SYNDIG1L: variants seen among roughly 807,000 people sequenced by gnomAD.
SYNDIG1L encodes the protein synapse differentiation inducing 1 like, also known as synapse differentiation-inducing gene protein 1-like.
SYNDIG1L carries 13 observed loss-of-function variants against 20.1 expected under a neutral mutation model. The observed-to-expected ratio is 0.65, with a 90% CI of 0.42 to 1.03. SYNDIG1L has a LOEUF of 1.03. SYNDIG1L is among the 50% of genes least tolerant of loss of function. The pLI is 0.00. For synonymous variants in SYNDIG1L, 128 were observed against 129.3 expected (o/e 0.99, Z 0.07); for missense variants, 294 against 305.1 (o/e 0.96, Z 0.27).
At chr14:74,420,264 C>A (rs1459812682) in intron 1 of SYNDIG1L, among the ~76,000 whole-genome samples, 1 of 151,628 alleles carries the variant, frequency 6.6e-6, no homozygotes, top group Non-Finnish European at 1.5e-5. Context: ...GGTGTGGTGG[C>A]GTGCACCTGT....
At chr14:74,444,040 T>C in the SYNDIG1L span, among the ~76,000 whole-genome samples, 14 of 152,362 alleles carry the variant, frequency 9.2e-5, no homozygotes, top group East Asian at 2.1e-3. Flanking sequence ...ATGAAGCAGA[T>C]AAAATGATAT....
In SYNDIG1L at chr14:74,424,434, G is replaced by T. The variant is rs1017859622; in HGVS notation, c.-58+1478C>A. Among the ~76,000 whole-genome samples the T allele has an allele frequency of 2.0e-5, 3 of 151,976 alleles. No individual in the cohort carries two copies. The East Asian group carries it at 5.8e-4, about 29-fold the overall frequency. On this transcript the variant is annotated intron_variant, in intron 1 of 3. Coordinates refer to ENST00000331628, the MANE Select transcript of SYNDIG1L (RefSeq NM_001105579.2). ...CTATCTTCCAGGTGCTGTTGGGGAG[G>T]GGGTCATGAAGGGGGACAAAGAGAT...
intron 1 of SYNDIG1L, among the ~76,000 whole-genome samples, chr14:74,416,593 C>A (rs1035540103): frequency 1.3e-5 from 2 of 152,178 alleles, no homozygotes; most frequent in African/African-American, 4.8e-5. Context: ...ATGATTGCAC[C>A]ACTGCACTGC....
At chr14:74,476,241 C>T in the SYNDIG1L span, 17 of 595,670 alleles carry the variant, frequency 2.9e-5, no homozygotes, top group African/African-American at 1.1e-4. Flanking sequence ...GAACAGTCTG[C>T]TGCTGCTGGC....
At chr14:74,459,942 G>C in the SYNDIG1L span, among the ~76,000 whole-genome samples, 1 of 152,192 alleles carries the variant, frequency 6.6e-6, no homozygotes. Context: ...CGAGGCTTCT[G>C]CTCTCCTCCC....
Position 74,409,780 on chromosome 14 carries a change from C to G in SYNDIG1L, c.-36G>C. 1 of 1,411,804 alleles carries G rather than the reference C, an allele frequency of 7.1e-7. No individual in the cohort carries two copies. Among genetic ancestry groups the G allele is most frequent in the Non-Finnish European group, 9.3e-7 (1 of 1,078,714 alleles). The allele number at this position is 1,411,804 out of a possible 1,614,324, so 87.5% of individuals were successfully genotyped here. A position where few individuals can be genotyped will look rare whatever the true frequency, so the allele number is the denominator to read the frequency against. Reference sequence around the variant, plus strand: ...CAGCTGCTGGGGAGGGGGGCCTGGGCCAGCTGAGCAGTCCTCAGAGCCTGT... The same window carrying G: ...CAGCTGCTGGGGAGGGGGGCCTGGGGCAGCTGAGCAGTCCTCAGAGCCTGT... On this transcript the variant is annotated 5_prime_UTR_variant, in exon 2 of 4. Transcript: ENST00000331628.
chr14:74,435,082 C>CAAAAAAAAAAAAAA, the SYNDIG1L span, among the ~76,000 whole-genome samples: 3 of 54,974 alleles, frequency 5.5e-5, no homozygotes, highest in African/African-American at 2.1e-4. Flanking sequence ...GACTCCGTCT[C>CAAAAAAAAAAAAAA]AAAAAAAAAA....
chr14:74,478,527 A>G, the SYNDIG1L span, among the ~76,000 whole-genome samples: 1 of 152,312 alleles, frequency 6.6e-6, no homozygotes, highest in South Asian at 2.1e-4. Flanking sequence ...TTTGCATGGT[A>G]TTGTGAGTCC....
Position 74,407,321 on chromosome 14 carries a change from A to G in SYNDIG1L, c.*214T>C. 1 of 662,234 alleles carries G rather than the reference A, an allele frequency of 1.5e-6. No individual in the cohort carries two copies. Among genetic ancestry groups the G allele is most frequent in the South Asian group, 1.9e-5 (1 of 51,880 alleles). 41.0% of individuals were successfully genotyped at this position (662,234 alleles called of 1,614,324 possible). On this transcript the variant is annotated 3_prime_UTR_variant, in exon 4 of 4. Coordinates refer to ENST00000331628, the MANE Select transcript of SYNDIG1L (RefSeq NM_001105579.2). The stretch of plus-strand genomic sequence containing the variant: ...TTCCCGTCTGTAGCCTGGGTTAGAG[A>G]GTGGCGCCCCGGGCCCTGCTCTGGG...
the SYNDIG1L span, among the ~76,000 whole-genome samples, chr14:74,477,684 A>G: frequency 1.3e-5 from 2 of 152,200 alleles, no homozygotes; most frequent in Non-Finnish European, 2.9e-5. Flanking sequence ...AACTGGAGAT[A>G]TGAGGTGTTG....
chr14:74,455,493 T>C, the SYNDIG1L span, among the ~76,000 whole-genome samples: 1 of 151,762 alleles, frequency 6.6e-6, no homozygotes, highest in East Asian at 1.9e-4. Context: ...CCTCCCAAGT[T>C]CAAGCGATTC....
the SYNDIG1L span, among the ~76,000 whole-genome samples, chr14:74,440,738 T>C: frequency 7.9e-5 from 12 of 152,212 alleles, no homozygotes; most frequent in East Asian, 1.7e-3. Context: ...ATACCTCATG[T>C]TTGTTTTTAT....
At chr14:74,411,955 G>A (rs2086134280) in intron 1 of SYNDIG1L, among the ~76,000 whole-genome samples, 3 of 152,172 alleles carry the variant, frequency 2.0e-5, no homozygotes, top group Admixed American at 1.3e-4. Flanking sequence ...TGGGCCTGAG[G>A]GCCCTGCTGA....
At chr14:74,426,897 TTACC>T (rs1481484543), upstream of SYNDIG1L, among the ~76,000 whole-genome samples, 1 of 151,970 alleles carries the variant, frequency 6.6e-6, no homozygotes. Flanking sequence ...CTCGAGCAAG[TTACC>T]TAACCTCTTA....
At chr14:74,435,875 GCTGCAGCA>G in the SYNDIG1L span, among the ~76,000 whole-genome samples, 2 of 152,206 alleles carry the variant, frequency 1.3e-5, no homozygotes, top group Admixed American at 1.3e-4. Flanking sequence ...GTTCCTCCTT[GCTGCAGCA>G]CAGCAAGTGT....
rs60246711 is a variant in SYNDIG1L, at chr14:74,407,987, G to C, written c.420C>G (p.Ser140Arg). Residue 140 changes from serine (S) to arginine (R), a missense_variant and splice_region_variant, in exon 3 of 4, where the codon AGC becomes AGG. Ser to Arg is a moderately radical substitution (Grantham distance 110). Coordinates refer to ENST00000331628, the MANE Select transcript of SYNDIG1L (RefSeq NM_001105579.2). ...DQEDDQEEEE[S>R]DATSTESESE... ...TTTCACTCTCCGTTGAAGTGGCATC[G>C]CTCTGCAAAACAGTGGAGTTTGGTG... The C allele has an allele frequency of 1.2e-6, 2 of 1,608,186 alleles. No homozygotes were observed. The highest frequency in any genetic ancestry group is 1.7e-6 in the Non-Finnish European group (2 of 1,177,070).
At chr14:74,473,546 A>G in the SYNDIG1L span, among the ~76,000 whole-genome samples, 3 of 152,084 alleles carry the variant, frequency 2.0e-5, no homozygotes, top group South Asian at 6.2e-4. Flanking sequence ...TCCAGAGCAA[A>G]TCACCTCAGT....
upstream of SYNDIG1L, among the ~76,000 whole-genome samples, chr14:74,427,507 C>T (rs571859466): frequency 6.6e-6 from 1 of 152,300 alleles, no homozygotes; most frequent in African/African-American, 2.4e-5. Context: ...AAGTCCACAT[C>T]ATGGGGCTTG....
chr14:74,452,795 G>A, the SYNDIG1L span, among the ~76,000 whole-genome samples: 2 of 152,144 alleles, frequency 1.3e-5, no homozygotes, highest in South Asian at 4.1e-4. Flanking sequence ...GTTCAAAGCA[G>A]CTCTGTTTCT....
Sources: allele counts gnomAD v4.1 joint callset (sites outside exome capture counted in the v4.1 genomes callset), GRCh38; gene constraint gnomAD v4.1.1; transcripts MANE v1.5; gene names NCBI Gene and HGNC (gene_info 2026-07-23, HGNC 2026-07-21).